Variants in GPHN observed in about 807,000 individuals in gnomAD.
GPHN encodes gephyrin.
A neutral mutation model predicts 95.5 loss-of-function variants in GPHN; 17 were observed. The ratio of observed to expected loss-of-function variants is 0.18; its 90% confidence interval spans 0.12 to 0.27. The LOEUF (loss-of-function observed/expected upper bound fraction) is 0.27. GPHN is among the 10% of genes least tolerant of loss of function. The pLI is 1.00. For missense variants in GPHN, 660 were observed against 978.1 expected (o/e 0.67, Z 4.34); for synonymous variants, 320 against 322.5 (o/e 0.99, Z 0.08).
intron 12 of GPHN, among the ~76,000 whole-genome samples, chr14:67,092,457 G>A (rs1025838137): frequency 2.0e-5 from 3 of 151,942 alleles, no homozygotes; most frequent in Non-Finnish European, 4.4e-5. Flanking sequence ...AGGCCTTCCA[G>A]TAATAACCAG....
the GPHN span, chr14:67,203,055 T>C: frequency 1.3e-6 from 2 of 1,592,592 alleles, no homozygotes; most frequent in Non-Finnish European, 1.7e-6. Flanking sequence ...AAGCCACACA[T>C]TTCATCATAT....
the GPHN span, among the ~76,000 whole-genome samples, chr14:67,609,129 G>T: frequency 0.031 from 4,716 of 151,702 alleles, 220 homozygotes; most frequent in African/African-American, 0.11. Flanking sequence ...TTGGGTTCAG[G>T]TAATTTTGTA....
chr14:67,237,290 A>C, the GPHN span, among the ~76,000 whole-genome samples: 1 of 152,116 alleles, frequency 6.6e-6, no homozygotes. Context: ...TAATTCACTG[A>C]GGTACTAGTG....
chr14:67,429,833 G>A, the GPHN span, among the ~76,000 whole-genome samples: 2 of 152,150 alleles, frequency 1.3e-5, no homozygotes, highest in African/African-American at 4.8e-5. Context: ...CACCAAGCTG[G>A]TACTTAGATA....
the GPHN span, among the ~76,000 whole-genome samples, chr14:67,633,515 T>TTATC: frequency 2.0e-5 from 3 of 152,228 alleles, no homozygotes. Flanking sequence ...CAAACTGACC[T>TTATC]TATCATCTTC....
chr14:66,886,546 A>G (rs1233916458), intron 5 of GPHN, among the ~76,000 whole-genome samples: 1 of 152,284 alleles, frequency 6.6e-6, no homozygotes, highest in East Asian at 1.9e-4. Context: ...TAAAGAAGAA[A>G]AAAAAAAGAA....
chr14:67,290,657 C>T, the GPHN span, among the ~76,000 whole-genome samples: 1 of 152,128 alleles, frequency 6.6e-6, no homozygotes, highest in Non-Finnish European at 1.5e-5. Flanking sequence ...CTCAGCATCC[C>T]AAAGTGCTGG....
At chr14:67,137,593 G>A (rs1426318337) in intron 17 of GPHN, among the ~76,000 whole-genome samples, 2 of 152,062 alleles carry the variant, frequency 1.3e-5, no homozygotes, top group Non-Finnish European at 2.9e-5. Flanking sequence ...GTGAAACCCT[G>A]TCTACAAAAA....
chr14:67,107,404 G>A (rs2078104332), intron 13 of GPHN, among the ~76,000 whole-genome samples: 1 of 152,192 alleles, frequency 6.6e-6, no homozygotes, highest in Admixed American at 6.5e-5. Flanking sequence ...AGAGTTGGGT[G>A]TAGGTTATCC....
chr14:66,613,850 C>T (rs1190147933), intron 1 of GPHN, among the ~76,000 whole-genome samples: 1 of 152,012 alleles, frequency 6.6e-6, no homozygotes, highest in African/African-American at 2.4e-5. Context: ...TGTAGTTGCA[C>T]CATTTTAAAT....
intron 5 of GPHN, among the ~76,000 whole-genome samples, chr14:66,885,656 TTTC>T (rs1421681573): frequency 6.6e-6 from 1 of 152,102 alleles, no homozygotes; most frequent in Non-Finnish European, 1.5e-5. Flanking sequence ...CCCCTACATT[TTTC>T]TTCTTCTCTT....
intron 9 of GPHN, among the ~76,000 whole-genome samples, chr14:66,980,163 A>G (rs1385969679): frequency 6.6e-6 from 1 of 152,212 alleles, no homozygotes; most frequent in Admixed American, 6.5e-5. Flanking sequence ...AGAGACAGGA[A>G]GTGAGCACTT....
At chr14:66,976,261 G>C (rs2070213468) in intron 9 of GPHN, among the ~76,000 whole-genome samples, 1 of 152,182 alleles carries the variant, frequency 6.6e-6, no homozygotes, top group Non-Finnish European at 1.5e-5. Flanking sequence ...AGAAGATAGG[G>C]AAGTGAACTG....
intron 3 of GPHN, among the ~76,000 whole-genome samples, chr14:66,821,132 C>T (rs1436682348): frequency 6.6e-6 from 1 of 152,092 alleles, no homozygotes; most frequent in African/African-American, 2.4e-5. Context: ...TAAAGTGGAT[C>T]TAACAGGTGC....
At chr14:67,210,398 C>G in the GPHN span, among the ~76,000 whole-genome samples, 1 of 151,046 alleles carries the variant, frequency 6.6e-6, no homozygotes, top group Non-Finnish European at 1.5e-5. Context: ...CCCACCTGGA[C>G]AACATAGGGA....
the GPHN span, chr14:67,691,503 T>A: frequency 2.9e-6 from 1 of 344,112 alleles, no homozygotes; most frequent in Non-Finnish European, 5.3e-6. Flanking sequence ...ACTTACTCAC[T>A]GCTTTTGGGA....
chr14:66,928,458 CT>C (rs2153564669), intron 8 of GPHN, among the ~76,000 whole-genome samples: 1 of 152,060 alleles, frequency 6.6e-6, no homozygotes, highest in East Asian at 1.9e-4. Flanking sequence ...GTTTATCTTT[CT>C]TAGAAAAACA....
chr14:67,103,511 C>CTTTTTTTTTT, intron 13 of GPHN, among the ~76,000 whole-genome samples: 12 of 53,402 alleles, frequency 2.2e-4, no homozygotes, highest in Non-Finnish European at 2.7e-4. Flanking sequence ...GTTTCTTTCT[C>CTTTTTTTTTT]TTTTTTTTTT....
chr14:66,881,855 A>G (rs1395079110), intron 5 of GPHN, among the ~76,000 whole-genome samples: 1 of 151,824 alleles, frequency 6.6e-6, no homozygotes, highest in Non-Finnish European at 1.5e-5. Flanking sequence ...GAAAATTAAT[A>G]CATATAAGCA....
Sources: gnomAD v4.1 joint callset for allele counts (sites outside exome capture counted in the v4.1 genomes callset) on GRCh38, gnomAD v4.1.1 for gene constraint, MANE v1.5 for transcripts, NCBI Gene and HGNC (gene_info 2026-07-23, HGNC 2026-07-21) for gene names.